Variants in SERGEF observed in about 807,000 individuals in gnomAD.
SERGEF encodes the protein secretion regulating guanine nucleotide exchange factor.
A neutral mutation model predicts 50.0 loss-of-function variants in SERGEF; 51 were observed. The observed-to-expected ratio is 1.02, with a 90% CI of 0.81 to 1.29. The LOEUF is 1.29. Ranked by LOEUF, SERGEF falls within the 50% of genes most tolerant of loss-of-function variation. SERGEF has a pLI of 0.00. For missense variants in SERGEF, 521 were observed against 557.0 expected (o/e 0.94, Z 0.65); for synonymous variants, 205 against 212.4 (o/e 0.97, Z 0.30).
rs374872875 is a variant in SERGEF at position 17,873,841 on chromosome 11, C to T, written c.1048+4367G>A. ...GAAACGCAGTCAGCTCTTTTTTCTC[C>T]GCAGGAAGGGAAGACAAAACAACTG... On this transcript the variant is annotated intron_variant, in intron 10 of 10. Transcript: ENST00000265965. Among the ~76,000 whole-genome samples the T allele has an allele frequency of 5.9e-5, 9 of 152,136 alleles. No individual in the cohort carries two copies. The South Asian group carries it at 6.2e-4, about 11-fold the overall frequency.
At chr11:17,846,001 T>C (rs1378314519) in intron 10 of SERGEF, among the ~76,000 whole-genome samples, 1 of 152,172 alleles carries the variant, frequency 6.6e-6, no homozygotes, top group Non-Finnish European at 1.5e-5. Context: ...TCCAACGTCA[T>C]GCAGCCTGGG....
intron 9 of SERGEF, among the ~76,000 whole-genome samples, chr11:17,944,807 C>T (rs1403050070): frequency 6.6e-6 from 1 of 152,212 alleles, no homozygotes; most frequent in Non-Finnish European, 1.5e-5. Flanking sequence ...AGCCTCATAA[C>T]ATTTCATAAA....
At position 18,004,515 on chromosome 11, in the gene SERGEF, A is replaced by G. The variant is rs1429253887; in HGVS notation, c.373T>C (p.Cys125Arg). ...MLTENGQVLS[C>R]GSNSFGQLGV... ...AACTGGCCAAAGGAGTTGGATCCAC[A>G]TGATAGAACTTGACCATTTTCTGCA... The change falls in exon 4 of 11, where the codon TGT becomes CGT. Residue 125 changes from cysteine to arginine, a missense_variant. Physicochemically the swap from Cys to Arg is radical, Grantham distance 180. Transcript: ENST00000265965. The G allele has an allele frequency of 1.2e-6, 2 of 1,613,274 alleles. No individual in the cohort carries two copies. Among genetic ancestry groups the G allele is most frequent in the East Asian group, 2.2e-5 (1 of 44,872 alleles).
intron 10 of SERGEF, among the ~76,000 whole-genome samples, chr11:17,798,242 C>A (rs1163881384): frequency 6.6e-6 from 1 of 152,192 alleles, no homozygotes; most frequent in Non-Finnish European, 1.5e-5. Flanking sequence ...AATCACTTTC[C>A]CTCTACATAG....
chr11:17,955,516 G>T lies in SERGEF; in HGVS notation c.1011+3954C>A, dbSNP rs1007538771. ...TGGGACAGCACACAAACAGCCAGTG[G>T]TGGGGATGGTGGGCAAGAAATCCAA... On this transcript the variant is annotated intron_variant, in intron 9 of 10. Transcript: ENST00000265965. Among the ~76,000 whole-genome samples the T allele has an allele frequency of 2.6e-5, 4 of 152,342 alleles. No individual in the cohort carries two copies. The East Asian group carries it at 7.7e-4, about 29-fold the overall frequency.
intron 6 of SERGEF, among the ~76,000 whole-genome samples, chr11:17,995,433 G>A (rs772943437): frequency 2.6e-5 from 4 of 152,170 alleles, no homozygotes; most frequent in Non-Finnish European, 4.4e-5. Context: ...CAAGTACCCC[G>A]GTGCTTGGTG....
chr11:17,873,583 T>C (rs1229252452), intron 10 of SERGEF, among the ~76,000 whole-genome samples: 1 of 152,090 alleles, frequency 6.6e-6, no homozygotes, highest in Non-Finnish European at 1.5e-5. Context: ...GGTTCAACAG[T>C]TGAAAATCAT....
At chr11:17,978,558 G>C (rs1853427873) in intron 8 of SERGEF, among the ~76,000 whole-genome samples, 1 of 152,172 alleles carries the variant, frequency 6.6e-6, no homozygotes, top group African/African-American at 2.4e-5. Context: ...TCAGGAAAAA[G>C]GCAGACAGTT....
At chr11:17,985,913 C>T (rs958825882) in intron 8 of SERGEF, among the ~76,000 whole-genome samples, 9 of 152,150 alleles carry the variant, frequency 5.9e-5, no homozygotes, top group Admixed American at 1.3e-4. Context: ...TTATAGGAGA[C>T]TGCCCTTGCA....
chr11:17,804,690 T>C (rs1849727181), intron 10 of SERGEF, among the ~76,000 whole-genome samples: 1 of 152,198 alleles, frequency 6.6e-6, no homozygotes, highest in African/African-American at 2.4e-5. Context: ...TATGAAAAAG[T>C]TGTTTGTTAC....
chr11:17,853,104 G>C (rs1039173357), intron 10 of SERGEF, among the ~76,000 whole-genome samples: 3 of 152,100 alleles, frequency 2.0e-5, no homozygotes, highest in African/African-American at 7.2e-5. Context: ...TGTGACCCTA[G>C]GCAACTCATT....
intron 9 of SERGEF, among the ~76,000 whole-genome samples, chr11:17,898,274 A>G (rs1851683373): frequency 6.6e-6 from 1 of 152,202 alleles, no homozygotes; most frequent in African/African-American, 2.4e-5. Context: ...TCTGCCACAC[A>G]CAGCAGGAAG....
At chr11:17,952,623 AC>A (rs1852792565) in intron 9 of SERGEF, among the ~76,000 whole-genome samples, 1 of 152,042 alleles carries the variant, frequency 6.6e-6, no homozygotes, top group Non-Finnish European at 1.5e-5. Flanking sequence ...ACAAACAGTA[AC>A]CAATCTCTCT....
chr11:17,788,551 C>T, intron 10 of SERGEF, 138 bp from the exon 11 acceptor site: 1 of 654,206 alleles, frequency 1.5e-6, no homozygotes, highest in Middle Eastern at 4.2e-4. Context: ...ATGGCGGCAT[C>T]CTCCCCATCC....
rs1267536245 is a variant in SERGEF, at chr11:17,888,734, T to C, written c.1012-10490A>G. The stretch of plus-strand genomic sequence containing the variant: ...AGCAGCACTGACACCCCAGCAGCAA[T>C]GAGTTTACTTGGTGCACAGACCCTG... On this transcript the variant is annotated intron_variant, in intron 9 of 10. Coordinates refer to ENST00000265965, the MANE Select transcript of SERGEF (RefSeq NM_012139.4). This position sits in a 1 kb window ranked among gnomAD's most constrained non-coding sequence, Gnocchi z 4.1. Among the ~76,000 whole-genome samples, 4 of 151,454 alleles carry C rather than the reference T, an allele frequency of 2.6e-5. No homozygotes were observed. The highest frequency in any genetic ancestry group is 5.9e-5 in the Non-Finnish European group (4 of 67,952).
intron 1 of SERGEF, chr11:18,010,197 A>C (rs1854167989): frequency 1.6e-6 from 1 of 625,658 alleles, no homozygotes; most frequent in South Asian, 1.8e-5. Flanking sequence ...ACATACTTAC[A>C]TACATACATA....
At chr11:17,999,152 G>C (rs1435598583) in intron 5 of SERGEF, among the ~76,000 whole-genome samples, 1 of 152,138 alleles carries the variant, frequency 6.6e-6, no homozygotes, top group Non-Finnish European at 1.5e-5. Flanking sequence ...CAACATCATA[G>C]AGATGGAGAA....
At chr11:17,951,736 G>A (rs1449467137) in intron 9 of SERGEF, among the ~76,000 whole-genome samples, 3 of 152,114 alleles carry the variant, frequency 2.0e-5, no homozygotes, top group East Asian at 1.9e-4. Context: ...TCTGAGAGCC[G>A]GGTTCAAGTC....
intron 10 of SERGEF, among the ~76,000 whole-genome samples, chr11:17,809,648 A>T (rs2133833642): frequency 6.6e-6 from 1 of 152,306 alleles, no homozygotes; most frequent in Non-Finnish European, 1.5e-5. Flanking sequence ...GAGCTGTCTC[A>T]GTGGCAGTGG....
Sources: gnomAD v4.1 joint callset for allele counts (sites outside exome capture counted in the v4.1 genomes callset) on GRCh38, gnomAD v4.1.1 for gene constraint, Gnocchi (gnomAD v3.1) non-coding constraint, MANE v1.5 for transcripts, NCBI Gene and HGNC (gene_info 2026-07-23, HGNC 2026-07-21) for gene names.